ZFYVE27: variants seen among roughly 807,000 people sequenced by gnomAD.
ZFYVE27 encodes zinc finger FYVE-type containing 27.
ZFYVE27 carries 36 observed loss-of-function variants against 52.8 expected under a neutral mutation model. The ratio of observed to expected loss-of-function variants is 0.68; its 90% CI spans 0.52 to 0.90. The LOEUF (loss-of-function observed/expected upper bound fraction) is 0.90. ZFYVE27 is among the 40% of genes least tolerant of loss of function. ZFYVE27 has a pLI of 0.00. For missense variants in ZFYVE27, 450 were observed against 527.2 expected, an observed-to-expected ratio of 0.85 and a Z score of 1.43; for synonymous variants, 223 against 215.6, an observed-to-expected ratio of 1.03 and a Z score of -0.30.
At chr10:97,751,261 C>G (rs1455963058) in intron 7 of ZFYVE27, 130 bp from the exon 8 acceptor site, 1 of 1,052,430 alleles carries the variant, frequency 9.5e-7, no homozygotes, top group African/African-American at 1.6e-5. Context: ...CTGTGAGTTC[C>G]TTCTTTCTTG....
Position 97,741,496 on chromosome 10 carries a change from C to T in ZFYVE27, c.198-1598C>T, listed in dbSNP as rs377416840. ...GGATGAAGCTGGAAACCATCATTCT[C>T]GGCAAACTAACACAGGAACAGAAAA... On this transcript the variant is annotated intron_variant, in intron 2 of 12. Transcript: ENST00000684270. Among the ~76,000 whole-genome samples, 6 of 152,056 alleles carry T rather than the reference C, an allele frequency of 3.9e-5. No homozygotes were observed. The South Asian group carries it at 6.2e-4, about 16-fold the overall frequency.
At chr10:97,751,271 G>C in intron 7 of ZFYVE27, 120 bp from the exon 8 acceptor site, 1 of 1,111,346 alleles carries the variant, frequency 9.0e-7, no homozygotes, top group South Asian at 1.3e-5. Flanking sequence ...CTTCTTTCTT[G>C]CCATTGTGCC....
chr10:97,755,720 A>G (rs2048182065), intron 10 of ZFYVE27, among the ~76,000 whole-genome samples: 1 of 152,002 alleles, frequency 6.6e-6, no homozygotes, highest in Admixed American at 6.5e-5. Flanking sequence ...ATGAGGGCAG[A>G]CTGCAAAGGA....
At chr10:97,748,856 C>A (rs928745752) in intron 5 of ZFYVE27, among the ~76,000 whole-genome samples, 1 of 152,222 alleles carries the variant, frequency 6.6e-6, no homozygotes, top group Non-Finnish European at 1.5e-5. Flanking sequence ...TCATTACTAA[C>A]CCCATGGTAA....
In ZFYVE27 at chr10:97,757,287, C is replaced by T. The variant is rs200479247; in HGVS notation, c.1065C>T (p.Ala355=). The change falls in exon 11 of 13, where the codon GCC becomes GCT. Residue 355 remains alanine, a synonymous_variant. Coordinates refer to ENST00000684270, the MANE Select transcript of ZFYVE27 (RefSeq NM_001385875.1). ...NNFGNCTGCS[A]TFSVLKKRRS... is the part of the protein sequence containing the mutation. ...CAGGGAACTGCACGGGCTGCTCGGC[C>T]ACCTTCTCAGTGCTGAAGAAGAGGG... 2.5e-5 allele frequency: 40 copies of T among 1,614,132 alleles called. No homozygotes were observed. The East Asian group carries it at 8.2e-4, about 33-fold the overall frequency.
At chr10:97,739,334 G>T (rs1008507611) in intron 2 of ZFYVE27, among the ~76,000 whole-genome samples, 8 of 152,046 alleles carry the variant, frequency 5.3e-5, no homozygotes, top group African/African-American at 1.9e-4. Context: ...CTCCCAAAGT[G>T]CTGGGATTAC....
chr10:97,759,246 C>G lies in ZFYVE27; in HGVS notation c.1182C>G (p.Ala394=). 6.2e-7 allele frequency: 1 copy of G among 1,614,132 alleles called. No individual in the cohort carries two copies. The highest frequency in any genetic ancestry group is 2.2e-5 in the East Asian group (1 of 44,884). ...KSSMGATAPE[A]QRETVFVCAS... ...CTTCCTCCTTTTCAGCCCCTGAAGC[C>G]CAGAGGGAGACTGTGTTTGTGTGTG... Residue 394 remains alanine (A), a synonymous_variant, in exon 13 of 13, where the codon GCC becomes GCG. Transcript: ENST00000684270.
At chr10:97,750,983 T>C (rs1268978710) in intron 7 of ZFYVE27, among the ~76,000 whole-genome samples, 2 of 152,194 alleles carry the variant, frequency 1.3e-5, no homozygotes, top group African/African-American at 4.8e-5. Flanking sequence ...GCTCAAGTGA[T>C]GTGCCTGCCT....
At chr10:97,738,867 G>A in intron 2 of ZFYVE27, 193 bp downstream of exon 2, 1 of 631,590 alleles carries the variant, frequency 1.6e-6, no homozygotes, top group African/African-American at 1.8e-5. Flanking sequence ...AGGAGAGGCA[G>A]ATACTGGGAA....
intron 4 of ZFYVE27, among the ~76,000 whole-genome samples, chr10:97,745,471 G>A (rs576189334): frequency 2.0e-5 from 3 of 152,158 alleles, no homozygotes; most frequent in African/African-American, 4.8e-5. Flanking sequence ...GAGCCACCAC[G>A]CCTGGCCCTG....
At chr10:97,739,101 CTTT>C (rs71007361) in intron 2 of ZFYVE27, among the ~76,000 whole-genome samples, 150 of 147,902 alleles carry the variant, frequency 1.0e-3, no homozygotes, top group African/African-American at 3.3e-3. Context: ...ATTTTCACTA[CTTT>C]TTTTTTTTTT....
chr10:97,739,718 C>CT (rs530035814), intron 2 of ZFYVE27, among the ~76,000 whole-genome samples: 6 of 151,894 alleles, frequency 4.0e-5, no homozygotes, highest in Non-Finnish European at 5.9e-5. Context: ...TCTTTTAAGT[C>CT]TTTTTTCAGT....
At position 97,748,253 on chromosome 10, in the gene ZFYVE27, G is replaced by T. The variant is rs992261885; in HGVS notation, c.456-16G>T. ...GCTTCTGTCCTGCCCACTCACCAAA[G>T]CCCCTGTGTCTGTAGCTTGATCCAG... is the stretch of plus-strand genomic sequence containing the variant. On this transcript the variant is annotated splice_polypyrimidine_tract_variant and intron_variant, in intron 4 of 12. Transcript: ENST00000684270. 1 of 1,613,540 alleles carries T rather than the reference G, an allele frequency of 6.2e-7. No individual in the cohort carries two copies. Among genetic ancestry groups the T allele is most frequent in the Non-Finnish European group, 8.5e-7 (1 of 1,179,904 alleles).
intron 3 of ZFYVE27, 141 bp downstream of exon 3, chr10:97,743,305 A>G: frequency 9.6e-7 from 1 of 1,039,846 alleles, no homozygotes; most frequent in Non-Finnish European, 1.5e-6. Context: ...GGAGTCAGAA[A>G]CAGCCTCCAG....
intron 4 of ZFYVE27, among the ~76,000 whole-genome samples, chr10:97,745,171 GTTCT>G (rs374808138): frequency 2.7e-5 from 4 of 149,458 alleles, no homozygotes; most frequent in Admixed American, 6.6e-5. Flanking sequence ...CACAGCTTCT[GTTCT>G]TTCTTTCTTT....
intron 4 of ZFYVE27, among the ~76,000 whole-genome samples, chr10:97,747,430 T>C (rs1484988676): frequency 2.6e-5 from 4 of 152,256 alleles, no homozygotes; most frequent in Admixed American, 2.6e-4. Context: ...GGGTCTTGCC[T>C]TAATCAGTTT....
intron 7 of ZFYVE27, among the ~76,000 whole-genome samples, chr10:97,750,917 A>G (rs1402870808): frequency 6.6e-6 from 1 of 151,482 alleles, no homozygotes; most frequent in Admixed American, 6.6e-5. Flanking sequence ...ATTTTTTTGT[A>G]TTTTTAGTAA....
At position 97,757,290 on chromosome 10, in the gene ZFYVE27, C is replaced by T. The variant is rs752095479; in HGVS notation, c.1068C>T (p.Thr356=). 9 of 1,614,106 alleles carry T rather than the reference C, an allele frequency of 5.6e-6. No individual in the cohort carries two copies. The highest frequency in any genetic ancestry group is 1.7e-5 in the Admixed American group (1 of 60,024). ...NFGNCTGCSA[T]FSVLKKRRSC... is the part of the protein sequence containing the mutation. ...GGAACTGCACGGGCTGCTCGGCCAC[C>T]TTCTCAGTGCTGAAGAAGAGGGTGA... The change falls in exon 11 of 13, where the codon ACC becomes ACT. Residue 356 remains threonine, a synonymous_variant. Transcript: ENST00000684270.
chr10:97,740,634 G>T (rs1028230654), intron 2 of ZFYVE27, among the ~76,000 whole-genome samples: 1 of 152,214 alleles, frequency 6.6e-6, no homozygotes, highest in Non-Finnish European at 1.5e-5. Context: ...TGGTAGGATT[G>T]GTTAAAGCAG....
Sources: allele counts gnomAD v4.1 joint callset (sites outside exome capture counted in the v4.1 genomes callset), GRCh38; gene constraint gnomAD v4.1.1; transcripts MANE v1.5; gene names NCBI Gene and HGNC (gene_info 2026-07-23, HGNC 2026-07-21).